Variants in KCNT1 observed in about 807,000 individuals in gnomAD.
The protein encoded by KCNT1 is potassium channel subfamily T member 1.
In KCNT1, 78 loss-of-function variants were observed where a neutral mutation model predicts 147.8. That is an observed-to-expected ratio of 0.53 (90% CI 0.44 to 0.64). The LOEUF (loss-of-function observed/expected upper bound fraction) is 0.64. KCNT1 is among the 30% of genes least tolerant of loss of function. KCNT1 has a pLI of 0.00. For synonymous variants in KCNT1, 867 were observed against 748.8 expected, an observed-to-expected ratio of 1.16 and a Z score of -2.58; for missense variants, 1,419 against 1,750.3, an observed-to-expected ratio of 0.81 and a Z score of 3.38.
chr9:135,763,417 C>T (rs1406153659), intron 11 of KCNT1, among the ~76,000 whole-genome samples: 1 of 152,234 alleles, frequency 6.6e-6, no homozygotes, highest in Admixed American at 6.5e-5. Flanking sequence ...GGCTGGGTCT[C>T]CTGGAAGTAT....
intron 2 of KCNT1, among the ~76,000 whole-genome samples, chr9:135,741,200 T>C (rs1028113168): frequency 5.3e-5 from 8 of 151,968 alleles, no homozygotes; most frequent in Admixed American, 3.9e-4. Flanking sequence ...TTGGGCAGAG[T>C]AGATGGGAGG....
At chr9:135,723,904 G>A (rs562858355) in intron 2 of KCNT1, among the ~76,000 whole-genome samples, 11 of 152,322 alleles carry the variant, frequency 7.2e-5, no homozygotes, top group East Asian at 1.9e-4. Flanking sequence ...ATGGCTCAGC[G>A]CAGCCCCGTC....
At chr9:135,768,038 C>A (rs1832410696) in intron 13 of KCNT1, among the ~76,000 whole-genome samples, 1 of 145,160 alleles carries the variant, frequency 6.9e-6, no homozygotes, top group Admixed American at 6.9e-5. Context: ...CGCTGTCAGC[C>A]TGCACACGCT....
In KCNT1 at chr9:135,762,772, G is replaced by A. The variant is rs551695163; in HGVS notation, c.1036-2259G>A. 2.0e-5 allele frequency among the ~76,000 whole-genome samples: 3 copies of A among 152,256 alleles called. No homozygotes were observed. In the South Asian group the frequency reaches 6.2e-4, roughly 32 times the overall value. ...CTCAACACCATCTTAAAACAAACAA[G>A]ACAAGGTGACTCCAGGTGCACCAGG... On this transcript the variant is annotated intron_variant, in intron 11 of 30. Transcript: ENST00000371757.
chr9:135,702,512 A>C, intron 1 of KCNT1, 144 bp downstream of exon 1: 1 of 687,292 alleles, frequency 1.5e-6, no homozygotes, highest in Non-Finnish European at 2.5e-6. Context: ...TGCCCTCCCA[A>C]CCACCTTGGG....
At chr9:135,704,961 G>A (rs750202648) in intron 1 of KCNT1, among the ~76,000 whole-genome samples, 6 of 152,306 alleles carry the variant, frequency 3.9e-5, no homozygotes, top group Non-Finnish European at 8.8e-5. Context: ...GAGGACAGAG[G>A]TGAGTGAGAA....
chr9:135,732,024 A>AGAGAGAGGGAGAGG (rs1554766189), intron 2 of KCNT1, among the ~76,000 whole-genome samples: 7 of 65,114 alleles, frequency 1.1e-4, no homozygotes, highest in Non-Finnish European at 2.2e-4. Flanking sequence ...AGAGAGAGAG[A>AGAGAGAGGGAGAGG]GAGAGAGAGA....
rs1187474684 is a variant in KCNT1, at chr9:135,793,325, G to C, written c.*1164G>C. The stretch of plus-strand genomic sequence containing the variant: ...GGAACCAAATTGTATTTGGCTACTG[G>C]TGACTGGATCCTGGTAGCCAGGAAA... On this transcript the variant is annotated 3_prime_UTR_variant, in exon 31 of 31. Transcript: ENST00000371757. 6.6e-6 allele frequency: 1 copy of C among 152,222 alleles called. No individual in the cohort carries two copies. The highest frequency in any genetic ancestry group is 1.5e-5 in the Non-Finnish European group (1 of 68,062). 9.4% of individuals were successfully genotyped at this position (152,222 alleles called of 1,614,324 possible).
intron 11 of KCNT1, among the ~76,000 whole-genome samples, chr9:135,760,899 G>C (rs1291084858): frequency 6.6e-6 from 1 of 152,142 alleles, no homozygotes; most frequent in Admixed American, 6.5e-5. Flanking sequence ...CTTCCCCCTG[G>C]TTCTCGCTGA....
Position 135,768,606 on chromosome 9 carries a change from G to A in KCNT1, c.1338-4G>A, listed in dbSNP as rs963826986. On this transcript the variant is annotated splice_polypyrimidine_tract_variant and splice_region_variant and intron_variant, in intron 13 of 30. Coordinates refer to ENST00000371757, the MANE Select transcript of KCNT1 (RefSeq NM_020822.3). ...ACCCACGCTCAGGCCCTGGTGCATT[G>A]CAGGATGGACAATGGGGAGGCCTGC... is the stretch of plus-strand genomic sequence containing the variant. 7 of 1,550,120 alleles carry A rather than the reference G, an allele frequency of 4.5e-6. No individual in the cohort carries two copies. In the African/African-American group the frequency reaches 9.6e-5, roughly 21 times the overall value.
At chr9:135,734,666 G>A (rs1035850718) in intron 2 of KCNT1, among the ~76,000 whole-genome samples, 12 of 152,312 alleles carry the variant, frequency 7.9e-5, no homozygotes, top group South Asian at 2.1e-4. Flanking sequence ...AAGCAGGAAC[G>A]GAAAAAGTCA....
At chr9:135,785,366 G>T in intron 28 of KCNT1, 36 bp downstream of exon 28, 9 of 1,612,584 alleles carry the variant, frequency 5.6e-6, no homozygotes, top group Non-Finnish European at 6.8e-6. Context: ...AGCTTCTGCG[G>T]AGCACCAGAA....
intron 29 of KCNT1, 29 bp downstream of exon 29, chr9:135,786,550 G>A (rs944178623): frequency 1.3e-4 from 199 of 1,532,880 alleles, no homozygotes; most frequent in Non-Finnish European, 1.5e-4. Context: ...GGTGGGGGCC[G>A]GACGGACGGA....
In KCNT1 at chr9:135,730,261, T is replaced by C. The variant is rs1836377551; in HGVS notation, c.254+15541T>C. Among the ~76,000 whole-genome samples the C allele has an allele frequency of 6.6e-6, 1 of 152,170 alleles. No homozygotes were observed. The highest frequency in any genetic ancestry group is 2.1e-4 in the South Asian group (1 of 4,816). On this transcript the variant is annotated intron_variant, in intron 2 of 30. Coordinates refer to ENST00000371757, the MANE Select transcript of KCNT1 (RefSeq NM_020822.3). This position sits in a 1 kb window ranked among gnomAD's most constrained non-coding sequence, Gnocchi z 4.7. ...CTTCGGAGCATCAGGTGTGGACCCA[T>C]GGAGTTCCGTGGACCTGCCGTGTGT...
intron 1 of KCNT1, among the ~76,000 whole-genome samples, chr9:135,707,502 G>A (rs1835304032): frequency 6.6e-6 from 1 of 152,202 alleles, no homozygotes; most frequent in Non-Finnish European, 1.5e-5. Flanking sequence ...GCCGGGGGCA[G>A]GGGCTGTGGG....
chr9:135,729,282 T>C (rs1588275517), intron 2 of KCNT1, among the ~76,000 whole-genome samples: 1 of 152,222 alleles, frequency 6.6e-6, no homozygotes, highest in African/African-American at 2.4e-5. Flanking sequence ...AACACATCTG[T>C]ACTTGCTTTA....
At chr9:135,778,918 C>T (rs565054724) in intron 23 of KCNT1, 96 bp downstream of exon 23, 23 of 1,424,942 alleles carry the variant, frequency 1.6e-5, no homozygotes, top group East Asian at 1.5e-4. Flanking sequence ...CACGGGCCCT[C>T]GCCCTGAGAC....
intron 28 of KCNT1, chr9:135,785,628 TGCCCATCTGGCCTGACCAGCCCCCAG>T (rs1833987227): frequency 3.5e-6 from 2 of 571,698 alleles, no homozygotes; most frequent in Non-Finnish European, 6.3e-6. Context: ...GCAGCCCCCA[TGCCCATCTGGCCTGACCAGCCCCCAG>T]CCTCCCAGGC....
At chr9:135,704,606 C>T (rs1198994992) in intron 1 of KCNT1, among the ~76,000 whole-genome samples, 2 of 152,186 alleles carry the variant, frequency 1.3e-5, no homozygotes, top group Non-Finnish European at 2.9e-5. Context: ...TGGCAAGTGC[C>T]CACCCCCTGC....
Sources: gnomAD v4.1 joint callset for allele counts (sites outside exome capture counted in the v4.1 genomes callset) on GRCh38, gnomAD v4.1.1 for gene constraint, Gnocchi (gnomAD v3.1) non-coding constraint, MANE v1.5 for transcripts, NCBI Gene and HGNC (gene_info 2026-07-23, HGNC 2026-07-21) for gene names.